The following LILRB2 variants were observed in gnomAD, a reference collection of about 807,000 sequenced individuals.
LILRB2 encodes leukocyte immunoglobulin like receptor B2.
In LILRB2, 47 loss-of-function variants were observed where a neutral mutation model predicts 72.7. That is an observed-to-expected ratio of 0.65 (90% confidence interval 0.51 to 0.82). The LOEUF is 0.82. Ranked by LOEUF, LILRB2 falls within the 40% of genes least tolerant of loss-of-function variation. LILRB2 has a pLI of 0.00. For synonymous variants in LILRB2, 279 were observed against 313.7 expected, an observed-to-expected ratio of 0.89 and a Z score of 1.17; for missense variants, 767 against 764.8, an observed-to-expected ratio of 1.00 and a Z score of -0.03.
intron 10 of LILRB2, 30 bp from the exon 11 acceptor site, chr19:54,276,486 T>A (rs751594334): frequency 6.8e-7 from 1 of 1,461,876 alleles, no homozygotes; most frequent in African/African-American, 1.4e-5. Context: ...GCCTCAGCCC[T>A]GGGAACATTG....
rs2080352935 is a variant in LILRB2 at position 54,278,377 on chromosome 19, A to G, written c.1141T>C (p.Phe381Leu). ...IHEYPKYQAE[F>L]PMSPVTSAHA... ...GCTGAGGTCACAGGACTCATGGGGA[A>G]TTCAGCCTGGTACTTAGGATATTCG... Residue 381 changes from phenylalanine to leucine, a missense_variant, in exon 7 of 14, where the codon TTC becomes CTC. Around this residue, in one of 3 missense-constraint regions of LILRB2, gnomAD observed 599 missense variants for 568.2 expected, o/e 1.05. Coordinates refer to ENST00000314446, the MANE Select transcript of LILRB2 (RefSeq NM_001080978.4). 2 of 1,614,190 alleles carry G rather than the reference A, an allele frequency of 1.2e-6. No individual in the cohort carries two copies. The highest frequency in any genetic ancestry group is 8.5e-7 in the Non-Finnish European group (1 of 1,180,012).
Position 54,274,625 on chromosome 19 carries a change from T to G in LILRB2, c.*58A>C. ...TGGTGTCCACTGGGGGCAGCTCCCGTGCCTTCAGCAGTCCTGAGTCTCCTT... is the reference window on the plus strand; with the variant it reads ...TGGTGTCCACTGGGGGCAGCTCCCGGGCCTTCAGCAGTCCTGAGTCTCCTT... On this transcript the variant is annotated 3_prime_UTR_variant, in exon 14 of 14. Transcript: ENST00000314446. 6.2e-7 allele frequency: 1 copy of G among 1,612,466 alleles called. No homozygotes were observed. Among genetic ancestry groups the G allele is most frequent in the Middle Eastern group, 1.7e-4 (1 of 6,048 alleles).
At chr19:54,277,359 A>T in intron 9 of LILRB2, 191 bp downstream of exon 9, 1 of 1,193,800 alleles carries the variant, frequency 8.4e-7, no homozygotes, top group South Asian at 1.4e-5. Context: ...AGGAGGTCAC[A>T]GCTGGGAGTG....
intron 6 of LILRB2, 57 bp from the exon 7 acceptor site, chr19:54,278,619 C>A: frequency 6.3e-7 from 1 of 1,590,472 alleles, no homozygotes; most frequent in South Asian, 1.1e-5. Context: ...GCTGAGACCT[C>A]CCCAGGCCTC....
In LILRB2 at chr19:54,279,665, A is replaced by G; in HGVS notation, c.356-18T>C. On this transcript the variant is annotated intron_variant, in intron 4 of 13. Transcript: ENST00000314446. ...GTAGGCTCCTAGGAGAGAAGGAGGC[A>G]TCGTGTTAAATGGGGCTCCCACCTC... 6.2e-7 allele frequency: 1 copy of G among 1,600,200 alleles called. No homozygotes were observed. The highest frequency in any genetic ancestry group is 8.5e-7 in the Non-Finnish European group (1 of 1,169,742).
Position 54,276,396 on chromosome 19 carries a change from C to T in LILRB2, c.1541G>A (p.Arg514Lys). The T allele has an allele frequency of 6.2e-7, 1 of 1,604,150 alleles. No homozygotes were observed. The highest frequency in any genetic ancestry group is 8.5e-7 in the Non-Finnish European group (1 of 1,172,028). ...GCAGAATTACCTCCACTGCAGGCCT[C>T]TGTCTGTGGGCTCTGGCCCCACAGC... ...AGAVGPEPTD[R>K]GLQWRSSPAA... Residue 514 changes from arginine (R) to lysine (K), a missense_variant, in exon 11 of 14, where the codon AGA becomes AAA. Coordinates refer to ENST00000314446, the MANE Select transcript of LILRB2 (RefSeq NM_001080978.4).
At position 54,279,877 on chromosome 19, in the gene LILRB2, C is replaced by T. The variant is rs543954877; in HGVS notation, c.269G>A (p.Trp90Ter). The stretch of plus-strand genomic sequence containing the variant: ...ACAGCCATATCGCCCTGTGTGTTCC[C>T]AGGTGATGGATGGGATGTGGAACTG... ...NGQFHIPSIT[W>*]EHTGRYGCQY... Residue 90 changes from tryptophan (W) to a stop codon, truncating the protein, a stop_gained, in exon 4 of 14, where the codon TGG (tryptophan) becomes TAG (stop). Coordinates refer to ENST00000314446, the MANE Select transcript of LILRB2 (RefSeq NM_001080978.4). LOFTEE classifies it high-confidence loss of function. 4 of 1,614,132 alleles carry T rather than the reference C, an allele frequency of 2.5e-6. No homozygotes were observed. The African/African-American group carries it at 4.0e-5, about 16-fold the overall frequency.
intron 6 of LILRB2, 58 bp downstream of exon 6, chr19:54,278,753 TC>T: frequency 1.9e-6 from 3 of 1,595,088 alleles, no homozygotes; most frequent in East Asian, 2.3e-5. Flanking sequence ...CTAATTGGAT[TC>T]CCCCGGCAGG....
Position 54,276,499 on chromosome 19 carries a change from G to T in LILRB2, c.1481-43C>A, listed in dbSNP as rs1412018653. On this transcript the variant is annotated intron_variant, in intron 10 of 13. Transcript: ENST00000314446. ...GAGCCTCAGCCCTGGGAACATTGGAGCCCCCTGCCCTGCACACACAGCTCG... is the reference window on the plus strand; with the variant it reads ...GAGCCTCAGCCCTGGGAACATTGGATCCCCCTGCCCTGCACACACAGCTCG... The T allele has an allele frequency of 4.4e-6, 6 of 1,350,494 alleles. No individual in the cohort carries two copies. The South Asian group carries it at 6.8e-5, about 15-fold the overall frequency. 83.7% of individuals were successfully genotyped at this position (1,350,494 alleles called of 1,614,324 possible). A position where few individuals can be genotyped will look rare whatever the true frequency, so the allele number is the denominator to read the frequency against.
rs753234945 is a variant in LILRB2, at chr19:54,280,261, C to T, written c.70+3G>A. 6 of 1,613,842 alleles carry T rather than the reference C, an allele frequency of 3.7e-6. No homozygotes were observed. In the African/African-American group the frequency reaches 5.3e-5, roughly 14 times the overall value. On this transcript the variant is annotated splice_donor_region_variant and intron_variant, in intron 3 of 13. Transcript: ENST00000314446. The stretch of plus-strand genomic sequence containing the variant: ...GACCTGGGAGAGCTGGGGACAGACT[C>T]ACCTGTCTGCACGCGGGTCCTGGGG...
Position 54,280,333 on chromosome 19 carries a change from C to G in LILRB2, c.35-34G>C, listed in dbSNP as rs767153411. 1.3e-5 allele frequency: 21 copies of G among 1,614,096 alleles called. 1 individual carries two copies. In the South Asian group the frequency reaches 1.8e-4, roughly 14 times the overall value. Reference sequence around the variant, plus strand: ...GAGTTCCCTGTGAGGGATTTGCCCCCTGAAGCCTGAGCAGGTCCTCCCCTC... The same window carrying G: ...GAGTTCCCTGTGAGGGATTTGCCCCGTGAAGCCTGAGCAGGTCCTCCCCTC... On this transcript the variant is annotated intron_variant, in intron 2 of 13. Transcript: ENST00000314446.
At chr19:54,277,114 C>G in intron 9 of LILRB2, 185 bp from the exon 10 acceptor site, 2 of 1,499,494 alleles carry the variant, frequency 1.3e-6, no homozygotes, top group Non-Finnish European at 1.8e-6. Context: ...ATCGCCTGCC[C>G]CGGGCCCCCA....
Position 54,274,814 on chromosome 19 carries a change from C to T in LILRB2, c.1663G>A (p.Ala555Thr), listed in dbSNP as rs1393521759. ...TGGGCGTAGGTCACATCCTGGGGGG[C>T]TTCAGATGCAGCAGCCTGCAGCGGG... ...EMDTRAAASE[A>T]PQDVTYAQLH... Residue 555 changes from alanine to threonine, a missense_variant, in exon 14 of 14, where the codon GCC becomes ACC. Ala to Thr is a moderately conservative substitution (Grantham distance 58). Around this residue, in one of 3 missense-constraint regions of LILRB2, gnomAD observed 162 missense variants for 176.7 expected, o/e 0.92. Coordinates refer to ENST00000314446, the MANE Select transcript of LILRB2 (RefSeq NM_001080978.4). 3.1e-6 allele frequency: 5 copies of T among 1,606,004 alleles called. No homozygotes were observed. Among genetic ancestry groups the T allele is most frequent in the Non-Finnish European group, 4.2e-6 (5 of 1,178,986 alleles).
intron 7 of LILRB2, 143 bp from the exon 8 acceptor site, chr19:54,278,082 C>A (rs1033163757): frequency 1.8e-6 from 2 of 1,121,738 alleles, no homozygotes; most frequent in Non-Finnish European, 2.5e-6. Flanking sequence ...CTGGCGATGC[C>A]GCTGAGTGTG....
At position 54,277,956 on chromosome 19, in the gene LILRB2, G is replaced by T; in HGVS notation, c.1259-17C>A. 13 of 1,481,292 alleles carry T rather than the reference G, an allele frequency of 8.8e-6. No homozygotes were observed. Among genetic ancestry groups the T allele is most frequent in the Non-Finnish European group, 1.1e-5 (12 of 1,111,636 alleles). The allele number at this position is 1,481,292 out of a possible 1,614,324, so 91.8% of individuals were successfully genotyped here. ...TGGAGGGTCCTGGGTGAAAGAATGAGAGGAGGGTGAGGAGCTGGGGCTTTC... is the reference window on the plus strand; with the variant it reads ...TGGAGGGTCCTGGGTGAAAGAATGATAGGAGGGTGAGGAGCTGGGGCTTTC... On this transcript the variant is annotated splice_polypyrimidine_tract_variant and intron_variant, in intron 7 of 13. Coordinates refer to ENST00000314446, the MANE Select transcript of LILRB2 (RefSeq NM_001080978.4).
At position 54,274,527 on chromosome 19, in the gene LILRB2, A is replaced by C; in HGVS notation, c.*156T>G. On this transcript the variant is annotated 3_prime_UTR_variant, in exon 14 of 14. Transcript: ENST00000314446. The stretch of plus-strand genomic sequence containing the variant: ...GGGATATTAGTTATTTCGACTGCAG[A>C]ATCAAGTGAGTCCCAAAGTTCCCAG... 1 of 1,364,300 alleles carries C rather than the reference A, an allele frequency of 7.3e-7. No individual in the cohort carries two copies. The highest frequency in any genetic ancestry group is 9.9e-7 in the Non-Finnish European group (1 of 1,013,448). 84.5% of individuals were successfully genotyped at this position (1,364,300 alleles called of 1,614,324 possible).
In LILRB2 at chr19:54,279,443, C is replaced by G; in HGVS notation, c.560G>C (p.Ser187Thr). ...SRAIFSVGPV[S>T]PNRRWSHRCY... ...CCTGTGCGACCACCTGCGATTCGGG[C>G]TCACGGGGCCCACGGAGAAGATGGC... The change falls in exon 5 of 14, where the codon AGC (serine) becomes ACC (threonine). Residue 187 changes from serine (S) to threonine (T), a missense_variant. This residue lies in a region of LILRB2 where 599 missense variants were observed against 568.2 expected (regional missense o/e 1.05). Transcript: ENST00000314446. The G allele has an allele frequency of 6.2e-7, 1 of 1,614,198 alleles. No homozygotes were observed. Among genetic ancestry groups the G allele is most frequent in the African/African-American group, 1.3e-5 (1 of 75,052 alleles).
rs1354856116 is a variant in LILRB2, at chr19:54,278,303, G to A, written c.1215C>T (p.Tyr405=). 6.2e-7 allele frequency: 1 copy of A among 1,614,100 alleles called. No homozygotes were observed. The highest frequency in any genetic ancestry group is 1.7e-5 in the Admixed American group (1 of 60,012). The change falls in exon 7 of 14, where the codon TAC becomes TAT. Residue 405 remains tyrosine (Y), a synonymous_variant. Transcript: ENST00000314446. ...GGGGCTCACTGGGGTGAGACAGCAGGTAGGGGTCGGAGTTGAGTGAGCCGT... is the reference window on the plus strand; with the variant it reads ...GGGGCTCACTGGGGTGAGACAGCAGATAGGGGTCGGAGTTGAGTGAGCCGT... ...RCYGSLNSDP[Y]LLSHPSEPLE...
At chr19:54,277,454 T>C (rs1378555330) in intron 9 of LILRB2, 96 bp downstream of exon 9, 11 of 1,518,078 alleles carry the variant, frequency 7.2e-6, no homozygotes, top group Admixed American at 4.0e-5. Flanking sequence ...GGAGCCTGTC[T>C]ACATCACCAC....
Sources: gnomAD v4.1 joint callset for allele counts on GRCh38, gnomAD v4.1.1 for gene constraint, gnomAD v4.1.1 regional missense constraint, MANE v1.5 for transcripts, NCBI Gene and HGNC (gene_info 2026-07-23, HGNC 2026-07-21) for gene names.